Variants in PGM1 observed in about 807,000 individuals in gnomAD.
PGM1 encodes phosphoglucomutase 1, also known as phosphoglucomutase-1.
In PGM1, 52 loss-of-function variants were observed where a neutral mutation model predicts 55.6. The observed-to-expected ratio is 0.94, with a 90% CI of 0.75 to 1.18. The LOEUF is 1.18. Ranked by LOEUF, PGM1 falls within the 50% of genes most tolerant of loss-of-function variation. The pLI, the probability that PGM1 is intolerant of heterozygous loss-of-function variation, is 0.00. For missense variants in PGM1, 724 were observed against 729.3 expected (o/e 0.99, Z 0.08); for synonymous variants, 287 against 271.7 (o/e 1.06, Z -0.55).
intron 3 of PGM1, 64 bp downstream of exon 3, chr1:63,630,152 A>G (rs1649155997): frequency 6.7e-7 from 1 of 1,489,092 alleles, no homozygotes; most frequent in Non-Finnish European, 9.4e-7. Context: ...TTTCCTTTCA[A>G]CGTTTTAGTA....
At chr1:63,605,488 C>T (rs1007848389) in intron 1 of PGM1, among the ~76,000 whole-genome samples, 15 of 152,136 alleles carry the variant, frequency 9.9e-5, no homozygotes, top group Non-Finnish European at 2.2e-4. Flanking sequence ...TAGGCTAGTA[C>T]GAAGGCAGTA....
chr1:63,610,581 G>A (rs1244056938), intron 1 of PGM1, among the ~76,000 whole-genome samples: 2 of 152,276 alleles, frequency 1.3e-5, no homozygotes, highest in East Asian at 1.9e-4. Context: ...AAATTAATAT[G>A]TTGGGGGTTT....
Position 63,593,586 on chromosome 1 carries a change from C to G in PGM1, c.98C>G (p.Ala33Gly). 6.2e-7 allele frequency: 1 copy of G among 1,613,770 alleles called. No homozygotes were observed. The highest frequency in any genetic ancestry group is 8.5e-7 in the Non-Finnish European group (1 of 1,179,938). The change falls in exon 1 of 11, where the codon GCC becomes GGC. Residue 33 changes from alanine to glycine, a missense_variant. Physicochemically the swap from Ala to Gly is moderately conservative, Grantham distance 60. Transcript: ENST00000371084. ...RKRVKVFQSS[A>G]NYAENFIQSI... ...CGGGTGAAGGTGTTCCAGAGCAGCG[C>G]CAACTACGCGGAGAACTTCATCCAG...
At chr1:63,652,840 G>T (rs1028920598) in intron 9 of PGM1, among the ~76,000 whole-genome samples, 4 of 152,138 alleles carry the variant, frequency 2.6e-5, no homozygotes, top group African/African-American at 7.2e-5. Context: ...AGCACAAGTG[G>T]TTTCTCATCC....
Position 63,593,650 on chromosome 1 carries a change from G to A in PGM1, c.162G>A (p.Glu54=), listed in dbSNP as rs778203251. 1.9e-5 allele frequency: 30 copies of A among 1,610,580 alleles called. No homozygotes were observed. The highest frequency in any genetic ancestry group is 2.3e-5 in the Non-Finnish European group (27 of 1,178,778). The change falls in exon 1 of 11, where the codon GAG becomes GAA. Residue 54 remains glutamate, a synonymous_variant. Transcript: ENST00000371084. ...CCGTGGAGCCGGCGCAGCGGCAGGAGGCCACGCTGGTGGTGGGCGGGGACG... is the reference window on the plus strand; with the variant it reads ...CCGTGGAGCCGGCGCAGCGGCAGGAAGCCACGCTGGTGGTGGGCGGGGACG... ...ISTVEPAQRQ[E]ATLVVGGDGR...
At chr1:63,595,095 C>T (rs1457642211) in intron 1 of PGM1, among the ~76,000 whole-genome samples, 1 of 152,056 alleles carries the variant, frequency 6.6e-6, no homozygotes, top group East Asian at 1.9e-4. Flanking sequence ...TGACTTATGC[C>T]CAATTCTTCT....
chr1:63,630,195 G>A, intron 3 of PGM1, 107 bp downstream of exon 3: 1 of 1,125,830 alleles, frequency 8.9e-7, no homozygotes, highest in Non-Finnish European at 1.4e-6. Flanking sequence ...ATTTCCGTGA[G>A]TGCTCTGTAA....
Position 63,614,535 on chromosome 1 carries a change from C to T in PGM1, c.247-14890C>T, listed in dbSNP as rs538933541. 8.0e-4 allele frequency among the ~76,000 whole-genome samples: 122 copies of T among 152,308 alleles called. 1 individual carries two copies. Among genetic ancestry groups the T allele is most frequent in the African/African-American group, 2.9e-3 (120 of 41,578 alleles). On this transcript the variant is annotated intron_variant, in intron 1 of 10. Coordinates refer to ENST00000371084, the MANE Select transcript of PGM1 (RefSeq NM_002633.3). ...TCTTGTTTATTGAGTCTTTGCTGTT[C>T]ACCTGGCTGCATATTACATTACAAG...
At chr1:63,622,089 A>T (rs1278179938) in intron 1 of PGM1, among the ~76,000 whole-genome samples, 1 of 152,190 alleles carries the variant, frequency 6.6e-6, no homozygotes, top group African/African-American at 2.4e-5. Flanking sequence ...CAATGGCACG[A>T]TCTTAGCTCA....
intron 1 of PGM1, among the ~76,000 whole-genome samples, chr1:63,617,730 CAAAAAA>C (rs34771728): frequency 2.3e-5 from 1 of 43,300 alleles, no homozygotes; most frequent in Non-Finnish European, 4.4e-5. Flanking sequence ...TGCCTCCCCA[CAAAAAA>C]AAAAAAAAAA....
intron 8 of PGM1, among the ~76,000 whole-genome samples, chr1:63,650,855 T>A (rs1002273483): frequency 1.3e-5 from 2 of 152,116 alleles, no homozygotes; most frequent in Non-Finnish European, 1.5e-5. Context: ...CAAAGGACCT[T>A]GGACCAAAAT....
intron 1 of PGM1, among the ~76,000 whole-genome samples, chr1:63,615,168 A>G (rs976935162): frequency 1.3e-5 from 2 of 152,106 alleles, no homozygotes; most frequent in African/African-American, 4.8e-5. Flanking sequence ...ATGCCCTCCT[A>G]CCTAGGCTTA....
At chr1:63,616,013 C>T (rs1047062976) in intron 1 of PGM1, among the ~76,000 whole-genome samples, 1 of 151,980 alleles carries the variant, frequency 6.6e-6, no homozygotes, top group Admixed American at 6.6e-5. Flanking sequence ...CATTTTCCAC[C>T]ACAAGAGGGC....
At chr1:63,651,908 A>G (rs1649821556) in intron 9 of PGM1, 56 bp downstream of exon 9, 2 of 1,465,958 alleles carry the variant, frequency 1.4e-6, no homozygotes, top group Non-Finnish European at 1.9e-6. Flanking sequence ...CATCTCTGAC[A>G]TCTCAAGGGA....
chr1:63,632,115 G>A (rs1649212356), intron 4 of PGM1, among the ~76,000 whole-genome samples: 1 of 151,958 alleles, frequency 6.6e-6, no homozygotes, highest in South Asian at 2.1e-4. Context: ...GTATTTCTGA[G>A]AGGACGGTCA....
intron 1 of PGM1, among the ~76,000 whole-genome samples, chr1:63,614,981 G>T (rs934601565): frequency 2.6e-5 from 4 of 152,124 alleles, no homozygotes; most frequent in Admixed American, 1.3e-4. Context: ...CCACTAGAAG[G>T]TTCGAGCAAA....
intron 1 of PGM1, among the ~76,000 whole-genome samples, chr1:63,624,549 ATTGATG>A (rs1242555009): frequency 6.6e-6 from 1 of 152,206 alleles, no homozygotes; most frequent in Non-Finnish European, 1.5e-5. Flanking sequence ...GCATCAGGAC[ATTGATG>A]TTTTTGCTCT....
chr1:63,642,475 C>T lies in PGM1; in HGVS notation c.1144+3675C>T, dbSNP rs116053545. 2.3e-3 allele frequency among the ~76,000 whole-genome samples: 350 copies of T among 152,220 alleles called. 1 individual carries two copies. Among genetic ancestry groups the T allele is most frequent in the Middle Eastern group, 6.8e-3 (2 of 294 alleles). On this transcript the variant is annotated intron_variant, in intron 7 of 10. Coordinates refer to ENST00000371084, the MANE Select transcript of PGM1 (RefSeq NM_002633.3). The stretch of plus-strand genomic sequence containing the variant: ...TACAAAGCTGTTTTTTCTTCCTAAC[C>T]GTGGATGATTATGTACATGTTTATA...
intron 4 of PGM1, among the ~76,000 whole-genome samples, chr1:63,634,171 T>C (rs1232277871): frequency 6.6e-6 from 1 of 151,748 alleles, no homozygotes; most frequent in Non-Finnish European, 1.5e-5. Flanking sequence ...TTCCTAGCCA[T>C]GTAAGTTTGG....
Sources: gnomAD v4.1 joint callset for allele counts (sites outside exome capture counted in the v4.1 genomes callset) on GRCh38, gnomAD v4.1.1 for gene constraint, MANE v1.5 for transcripts, NCBI Gene and HGNC (gene_info 2026-07-23, HGNC 2026-07-21) for gene names.